The following OTOGL variants were observed in gnomAD, a reference collection of about 807,000 sequenced individuals.
OTOGL encodes the protein otogelin-like protein.
OTOGL carries 285 observed loss-of-function variants against 318.5 expected under a neutral mutation model. That is an observed-to-expected ratio of 0.89 (90% CI 0.81 to 0.99). The LOEUF is 0.99. Among genes scored for constraint, OTOGL ranks in the 50% least tolerant of loss-of-function variants. The pLI is 0.00. For missense variants in OTOGL, 2,899 were observed against 2,845.6 expected, an observed-to-expected ratio of 1.02 and a Z score of -0.43; for synonymous variants, 987 against 936.5, an observed-to-expected ratio of 1.05 and a Z score of -0.99.
chr12:80,204,707 T>A (rs1171611058), intron 1 of OTOGL, among the ~76,000 whole-genome samples: 1 of 152,064 alleles, frequency 6.6e-6, no homozygotes, highest in East Asian at 1.9e-4. Flanking sequence ...TAGTCAACCA[T>A]GTAAATGGTT....
At chr12:80,302,076 C>T (rs965564302) in intron 27 of OTOGL, among the ~76,000 whole-genome samples, 1 of 152,128 alleles carries the variant, frequency 6.6e-6, no homozygotes, top group Non-Finnish European at 1.5e-5. Flanking sequence ...GAACTTTCCC[C>T]TTTTCACTTA....
chr12:80,319,756 A>G (rs1468171515), intron 33 of OTOGL, among the ~76,000 whole-genome samples: 1 of 152,168 alleles, frequency 6.6e-6, no homozygotes, highest in African/African-American at 2.4e-5. Flanking sequence ...AAAAACTTTT[A>G]TTTCATGAGT....
intron 35 of OTOGL, 58 bp from the exon 36 acceptor site, chr12:80,328,605 CTT>C: frequency 4.9e-6 from 5 of 1,026,744 alleles, no homozygotes; most frequent in East Asian, 2.8e-5. Flanking sequence ...AAATGTAGTC[CTT>C]TTTTTTTTGT....
At chr12:80,254,635 C>T in intron 15 of OTOGL, 65 bp downstream of exon 15, 2 of 1,297,798 alleles carry the variant, frequency 1.5e-6, no homozygotes, top group South Asian at 1.3e-5. Flanking sequence ...AGAAAGATAG[C>T]ACTGATCTTT....
chr12:80,341,913 G>GT, intron 43 of OTOGL, 35 bp from the exon 44 acceptor site: 1 of 1,454,614 alleles, frequency 6.9e-7, no homozygotes, highest in Non-Finnish European at 9.4e-7. Context: ...ATTAGTTTAA[G>GT]TTTTTTTCTT....
intron 37 of OTOGL, among the ~76,000 whole-genome samples, chr12:80,329,337 C>G (rs997847598): frequency 8.5e-5 from 13 of 152,138 alleles, no homozygotes; most frequent in African/African-American, 2.9e-4. Context: ...CTGAGACCCC[C>G]AAGTGCTGAG....
chr12:80,176,626 T>A (rs1408446657), intron 1 of OTOGL, among the ~76,000 whole-genome samples: 2 of 152,176 alleles, frequency 1.3e-5, no homozygotes, highest in African/African-American at 2.4e-5. Flanking sequence ...TATACTTCAA[T>A]TTGTTGATCC....
At chr12:80,122,575 A>G (rs1303903053) in intron 1 of OTOGL, among the ~76,000 whole-genome samples, 1 of 152,190 alleles carries the variant, frequency 6.6e-6, no homozygotes, top group Non-Finnish European at 1.5e-5. Flanking sequence ...ATTTCTTTTC[A>G]TAGTCTTTAC....
chr12:80,310,781 T>C, intron 30 of OTOGL, 54 bp downstream of exon 30: 1 of 1,404,246 alleles, frequency 7.1e-7, no homozygotes, highest in Admixed American at 1.8e-5. Context: ...ACTGTGTCTA[T>C]AATACTGAGG....
chr12:80,117,941 T>A (rs980207790), intron 1 of OTOGL, among the ~76,000 whole-genome samples: 1 of 152,192 alleles, frequency 6.6e-6, no homozygotes, highest in African/African-American at 2.4e-5. Flanking sequence ...AAAACACATA[T>A]TCTCCTTTCT....
chr12:80,288,521 C>T (rs1592661066), intron 26 of OTOGL, among the ~76,000 whole-genome samples: 1 of 152,290 alleles, frequency 6.6e-6, no homozygotes, highest in South Asian at 2.1e-4. Flanking sequence ...CTCCCTGTCA[C>T]TTTCAGCTAC....
At position 80,101,496 on chromosome 12, in the gene OTOGL, G is replaced by A. The variant is rs1362080800; in HGVS notation, c.-20+1891G>A. Among the ~76,000 whole-genome samples the A allele has an allele frequency of 6.6e-5, 10 of 152,254 alleles. No individual in the cohort carries two copies. The South Asian group carries it at 1.0e-3, about 16-fold the overall frequency. The stretch of plus-strand genomic sequence containing the variant: ...ACTGTTTTATCTCTTTTCAGCCTAT[G>A]TTCTATCACAACTGCATTATAATTC... On this transcript the variant is annotated intron_variant, in intron 1 of 58. Coordinates refer to ENST00000547103, the MANE Select transcript of OTOGL (RefSeq NM_001378609.3).
chr12:80,354,443 A>T (rs111775066), intron 46 of OTOGL, among the ~76,000 whole-genome samples: 10 of 152,188 alleles, frequency 6.6e-5, no homozygotes, highest in African/African-American at 2.4e-4. Context: ...GGACTAAGAT[A>T]CTGGAGGAAC....
At position 80,256,317 on chromosome 12, in the gene OTOGL, A is replaced by T; in HGVS notation, c.1588-20A>T. The T allele has an allele frequency of 6.3e-7, 1 of 1,587,274 alleles. No individual in the cohort carries two copies. The highest frequency in any genetic ancestry group is 8.5e-7 in the Non-Finnish European group (1 of 1,171,168). On this transcript the variant is annotated intron_variant, in intron 16 of 58. Transcript: ENST00000547103. Reference sequence around the variant, plus strand: ...TCTCTCTCTCCCATTCCTTGCATTGATAATTTGATTTTTACGCAGAATCTT... The same window carrying T: ...TCTCTCTCTCCCATTCCTTGCATTGTTAATTTGATTTTTACGCAGAATCTT...
In OTOGL at chr12:80,358,877, CTTA is replaced by C; in HGVS notation, c.6249_6251del (p.Ile2083del). The C allele has an allele frequency of 6.6e-7, 1 of 1,512,722 alleles. No homozygotes were observed. Among genetic ancestry groups the C allele is most frequent in the South Asian group, 1.2e-5 (1 of 83,252 alleles). 93.7% of individuals were successfully genotyped at this position (1,512,722 alleles called of 1,614,324 possible). On this transcript the variant is annotated inframe_deletion, in exon 52 of 59. Transcript: ENST00000547103. ...CCTTTTAGAATGTAACTGTGAAAAC[CTTA>C]TTATGCCAACTTGTGAAGTGGTAAG...
At chr12:80,329,625 G>T (rs1490147761) in intron 37 of OTOGL, among the ~76,000 whole-genome samples, 1 of 152,138 alleles carries the variant, frequency 6.6e-6, no homozygotes, top group Non-Finnish European at 1.5e-5. Context: ...AGGCATTCTG[G>T]GCTCCTACCC....
At chr12:80,309,003 AGAG>A (rs1886449734) in intron 29 of OTOGL, among the ~76,000 whole-genome samples, 4 of 151,394 alleles carry the variant, frequency 2.6e-5, no homozygotes, top group African/African-American at 9.7e-5. Context: ...AGGGAGAGGG[AGAG>A]GGAGAGAAGA....
At chr12:80,257,103 G>A (rs115290107) in intron 17 of OTOGL, among the ~76,000 whole-genome samples, 2,094 of 152,142 alleles carry the variant, frequency 0.014, 50 homozygotes, top group African/African-American at 0.047. Context: ...CAGCATAGCT[G>A]TTAATAACAC....
intron 1 of OTOGL, among the ~76,000 whole-genome samples, chr12:80,183,910 T>C (rs928289344): frequency 6.6e-6 from 1 of 152,198 alleles, no homozygotes; most frequent in African/African-American, 2.4e-5. Context: ...ATTAATAGTA[T>C]ATATTCCTGG....
Sources: gnomAD v4.1 joint callset for allele counts (sites outside exome capture counted in the v4.1 genomes callset) on GRCh38, gnomAD v4.1.1 for gene constraint, MANE v1.5 for transcripts, NCBI Gene and HGNC (gene_info 2026-07-23, HGNC 2026-07-21) for gene names.